Variants in NAV2 observed in about 807,000 individuals in gnomAD.
NAV2 encodes neuron navigator 2.
NAV2 carries 54 observed loss-of-function variants against 223.2 expected under a neutral mutation model. That is an observed-to-expected ratio of 0.24 (90% CI 0.19 to 0.30). The LOEUF (loss-of-function observed/expected upper bound fraction) is 0.30. Ranked by LOEUF, NAV2 falls within the 10% of genes least tolerant of loss-of-function variation. The probability of loss-of-function intolerance (pLI) is 1.00; values close to 1 mark genes in which losing one functional copy is unlikely to be tolerated. For missense variants in NAV2, 2,806 were observed against 3,147.5 expected (o/e 0.89, Z 2.60); for synonymous variants, 1,279 against 1,239.3 (o/e 1.03, Z -0.67).
At chr11:19,798,761 T>C (rs1413821983) in intron 1 of NAV2, among the ~76,000 whole-genome samples, 2 of 152,350 alleles carry the variant, frequency 1.3e-5, no homozygotes, top group African/African-American at 4.8e-5. Context: ...TGATATATTA[T>C]GTAACTTGCC....
intron 6 of NAV2, among the ~76,000 whole-genome samples, chr11:19,918,641 G>A (rs759865895): frequency 1.3e-5 from 2 of 152,154 alleles, no homozygotes; most frequent in East Asian, 3.8e-4. Flanking sequence ...GAATGTATTT[G>A]GCTGACCAGA....
At chr11:20,041,118 G>A (rs1047011500) in intron 12 of NAV2, among the ~76,000 whole-genome samples, 3 of 152,120 alleles carry the variant, frequency 2.0e-5, no homozygotes, top group Non-Finnish European at 2.9e-5. Flanking sequence ...ACTGGGGTTG[G>A]GGAGCCTGCC....
chr11:19,886,645 A>G (rs2041006326), intron 5 of NAV2, among the ~76,000 whole-genome samples: 2 of 152,214 alleles, frequency 1.3e-5, no homozygotes, highest in Admixed American at 6.5e-5. Flanking sequence ...CGATGTGCTC[A>G]GTCCTGCAAG....
At chr11:19,755,849 T>C (rs2054191257) in intron 1 of NAV2, among the ~76,000 whole-genome samples, 2 of 152,196 alleles carry the variant, frequency 1.3e-5, no homozygotes, top group African/African-American at 2.4e-5. Context: ...TGGAGTTTTA[T>C]TAGGGACTTA....
chr11:20,061,351 C>CCTGAGGCTGGGTGGATCAA (rs1564959088), intron 19 of NAV2, among the ~76,000 whole-genome samples: 2 of 152,046 alleles, frequency 1.3e-5, no homozygotes, highest in Non-Finnish European at 2.9e-5. Flanking sequence ...GGGTGGATCA[C>CCTGAGGCTGGGTGGATCAA]CTGAGACTGG....
chr11:19,385,164 C>G (rs866578798), intron 1 of NAV2: 4 of 152,096 alleles, frequency 2.6e-5, no homozygotes, highest in African/African-American at 9.7e-5. Flanking sequence ...GGCTAAAATA[C>G]GAGAGTCTAA....
At position 19,984,152 on chromosome 11, in the gene NAV2, C is replaced by T. The variant is rs986338946; in HGVS notation, c.2673C>T (p.Leu891=). 1 of 1,614,182 alleles carries T rather than the reference C, an allele frequency of 6.2e-7. No homozygotes were observed. The highest frequency in any genetic ancestry group is 8.5e-7 in the Non-Finnish European group (1 of 1,180,030). The change falls in exon 11 of 38, where the codon CTC becomes CTT. Residue 891 remains leucine, a synonymous_variant. Coordinates refer to ENST00000349880, the MANE Select transcript of NAV2 (RefSeq NM_145117.5). ...ACATGACTGATGGTGGACTTGGCCT[C>T]TATACCCGTCGCCTGAACCGGCTCC... ...SGYMTDGGLG[L]YTRRLNRLPD...
intron 1 of NAV2, among the ~76,000 whole-genome samples, chr11:19,386,172 T>C (rs1049365222): frequency 2.0e-5 from 3 of 152,206 alleles, no homozygotes; most frequent in African/African-American, 7.2e-5. Flanking sequence ...AAAGCATGAA[T>C]GCAAGCAAAG....
intron 1 of NAV2, among the ~76,000 whole-genome samples, chr11:19,799,062 G>A (rs1362060817): frequency 1.3e-5 from 2 of 152,162 alleles, no homozygotes; most frequent in Non-Finnish European, 2.9e-5. Flanking sequence ...CAGGGGCTGG[G>A]ACTTTATCTT....
At chr11:19,894,976 C>T (rs1591114442) in intron 6 of NAV2, among the ~76,000 whole-genome samples, 3 of 152,018 alleles carry the variant, frequency 2.0e-5, no homozygotes, top group South Asian at 2.1e-4. Context: ...TTGATCCGCC[C>T]GCCTCTGCCT....
At chr11:19,370,550 C>G (rs185426503) in intron 1 of NAV2, among the ~76,000 whole-genome samples, 180 of 152,346 alleles carry the variant, frequency 1.2e-3, no homozygotes, top group Non-Finnish European at 2.2e-3. Flanking sequence ...TATTTTAGAC[C>G]ATGTGGAGAA....
intron 1 of NAV2, among the ~76,000 whole-genome samples, chr11:19,705,459 A>C (rs1189161303): frequency 6.6e-6 from 1 of 152,190 alleles, no homozygotes; most frequent in Non-Finnish European, 1.5e-5. Flanking sequence ...TGGTCATTCT[A>C]TCTCACATCA....
intron 3 of NAV2, among the ~76,000 whole-genome samples, chr11:19,856,996 T>G (rs1313360874): frequency 6.6e-6 from 1 of 152,230 alleles, no homozygotes; most frequent in Admixed American, 6.5e-5. Flanking sequence ...AAAGCTGACT[T>G]ACACAGGCTG....
chr11:20,023,809 A>G (rs2054774215), intron 11 of NAV2, among the ~76,000 whole-genome samples: 1 of 151,898 alleles, frequency 6.6e-6, no homozygotes, highest in Non-Finnish European at 1.5e-5. Flanking sequence ...TGACCTATAG[A>G]GCTGCCCAGG....
At chr11:19,623,004 T>C (rs2047049975) in intron 1 of NAV2, among the ~76,000 whole-genome samples, 1 of 152,224 alleles carries the variant, frequency 6.6e-6, no homozygotes, top group Non-Finnish European at 1.5e-5. Context: ...TAAAGGATTT[T>C]ATTTCTCCTT....
chr11:20,050,030 C>T, intron 16 of NAV2, 129 bp downstream of exon 16: 1 of 780,006 alleles, frequency 1.3e-6, no homozygotes, highest in South Asian at 1.5e-5. Flanking sequence ...CTAGTGTACT[C>T]TGTGACACAT....
At chr11:19,691,027 T>G (rs117371917) in intron 1 of NAV2, among the ~76,000 whole-genome samples, 1,830 of 152,288 alleles carry the variant, frequency 0.012, 15 homozygotes, top group Non-Finnish European at 0.018. Flanking sequence ...TTCTGAAACT[T>G]TTTTGTACAA....
At chr11:20,100,868 A>C in intron 31 of NAV2, 69 bp from the exon 32 acceptor site, 1 of 1,368,190 alleles carries the variant, frequency 7.3e-7, no homozygotes, top group Non-Finnish European at 1.0e-6. Flanking sequence ...TGGCAGTCCC[A>C]GTTAGGCAAG....
rs1446868406 is a variant in NAV2, at chr11:20,040,591, CCTCT to C, written c.2908-3389_2908-3386del. ...CCCACATCATGCTCCTCAGGCCTCA[CCTCT>C]TGCTCTCAGAAGACTGGCCTCCCTT... On this transcript the variant is annotated intron_variant, in intron 12 of 37. Transcript: ENST00000349880. 1.6e-4 allele frequency among the ~76,000 whole-genome samples: 24 copies of C among 152,346 alleles called. No individual in the cohort carries two copies. In the South Asian group the frequency reaches 4.8e-3, roughly 30 times the overall value.
Sources: gnomAD v4.1 joint callset for allele counts (sites outside exome capture counted in the v4.1 genomes callset) on GRCh38, gnomAD v4.1.1 for gene constraint, MANE v1.5 for transcripts, NCBI Gene and HGNC (gene_info 2026-07-23, HGNC 2026-07-21) for gene names.